AGPAT3: variants seen among roughly 807,000 people sequenced by gnomAD.
AGPAT3 encodes the protein 1-acylglycerol-3-phosphate O-acyltransferase 3.
In AGPAT3, 5 loss-of-function variants were observed where a neutral mutation model predicts 47.3. That is an observed-to-expected ratio of 0.11 (90% CI 0.06 to 0.22). The LOEUF (loss-of-function observed/expected upper bound fraction) is 0.22, where lower values mean the gene tolerates loss of function less well. Ranked by LOEUF, AGPAT3 falls within the 10% of genes least tolerant of loss-of-function variation. The pLI, the probability that AGPAT3 is intolerant of heterozygous loss-of-function variation, is 1.00. For missense variants in AGPAT3, 315 were observed against 493.0 expected, an observed-to-expected ratio of 0.64 and a Z score of 3.42; for synonymous variants, 212 against 208.3, an observed-to-expected ratio of 1.02 and a Z score of -0.15.
chr21:43,901,149 G>A (rs925801103), intron 1 of AGPAT3, among the ~76,000 whole-genome samples: 1 of 152,058 alleles, frequency 6.6e-6, no homozygotes, highest in Non-Finnish European at 1.5e-5. Flanking sequence ...AAAGATATGT[G>A]TTCTTTTGTT....
rs145271236 is a variant in AGPAT3, at chr21:43,937,961, T to C, written c.-48-21673T>C. On this transcript the variant is annotated intron_variant, in intron 2 of 9. Transcript: ENST00000291572. The stretch of plus-strand genomic sequence containing the variant: ...CCAGTCATATTTGCATATTTTGGGG[T>C]GACTGTGCAGACAGTGCTGGACCAA... Among the ~76,000 whole-genome samples, 336 of 152,144 alleles carry C rather than the reference T, an allele frequency of 2.2e-3. 1 individual carries two copies. The highest frequency in any genetic ancestry group is 7.9e-3 in the African/African-American group (326 of 41,484).
Position 43,955,899 on chromosome 21 carries a change from C to CA in AGPAT3, c.-48-3718dup, listed in dbSNP as rs58314121. ...TGGGCAACAGTGAGATAATCTGTCT[C>CA]AAAAAAAAAAAAAAAAATCAGATTC... On this transcript the variant is annotated intron_variant, in intron 2 of 9. Transcript: ENST00000291572. The surrounding 1 kb of genome is among the most constrained non-coding windows in gnomAD (Gnocchi z 4.1). Among the ~76,000 whole-genome samples the CA allele has an allele frequency of 0.2, 25,290 of 124,694 alleles. 2,332 individuals are homozygous for CA. The highest frequency in any genetic ancestry group is 0.25 in the African/African-American group (8,691 of 34,494). 81.8% of individuals were successfully genotyped at this position (124,694 alleles called of 152,430 possible). A position where few individuals can be genotyped will look rare whatever the true frequency, so the allele number is the denominator to read the frequency against.
chr21:43,954,498 T>A lies in AGPAT3; in HGVS notation c.-48-5136T>A, dbSNP rs909645794. The A allele has an allele frequency of 5.3e-5, 8 of 152,294 alleles. No homozygotes were observed. Among genetic ancestry groups the A allele is most frequent in the Non-Finnish European group, 1.0e-4 (7 of 68,084 alleles). The allele number at this position is 152,294 out of a possible 1,614,324, so 9.4% of individuals were successfully genotyped here. ...GGTGAACAGCAGATGTTTCTTGGAA[T>A]GGAGTCTGGTCCATAGTAAGTGATG... On this transcript the variant is annotated intron_variant, in intron 2 of 9. Transcript: ENST00000291572. The surrounding 1 kb of genome is among the most constrained non-coding windows in gnomAD (Gnocchi z 4.0).
intron 2 of AGPAT3, among the ~76,000 whole-genome samples, chr21:43,959,236 TGTGTGTG>T (rs1429090540): frequency 7.3e-6 from 1 of 136,846 alleles, no homozygotes; most frequent in Admixed American, 7.5e-5. Context: ...TGATGTGGTG[TGTGTGTG>T]GTGTGTGGTT....
chr21:43,983,713 G>A lies in AGPAT3; in HGVS notation c.*1321G>A, dbSNP rs1458185736. ...AGGTGGGGCCCCTGGGGCAATGGCA[G>A]TGGTAGAACGCTCAACTTGGTTGCG... On this transcript the variant is annotated 3_prime_UTR_variant, in exon 10 of 10. Coordinates refer to ENST00000291572, the MANE Select transcript of AGPAT3 (RefSeq NM_020132.5). 1 of 152,290 alleles carries A rather than the reference G, an allele frequency of 6.6e-6. No individual in the cohort carries two copies. The highest frequency in any genetic ancestry group is 1.5e-5 in the Non-Finnish European group (1 of 68,052). 9.4% of individuals were successfully genotyped at this position (152,290 alleles called of 1,614,324 possible). A position where few individuals can be genotyped will look rare whatever the true frequency, so the allele number is the denominator to read the frequency against.
In AGPAT3 at chr21:43,865,238, G is replaced by T; in HGVS notation, c.-219G>T. 6.8e-6 allele frequency: 1 copy of T among 147,332 alleles called. No individual in the cohort carries two copies. The highest frequency in any genetic ancestry group is 1.8e-4 in the South Asian group (1 of 5,574). 9.1% of individuals were successfully genotyped at this position (147,332 alleles called of 1,614,324 possible). A position where few individuals can be genotyped will look rare whatever the true frequency, so the allele number is the denominator to read the frequency against. On this transcript the variant is annotated 5_prime_UTR_variant, in exon 1 of 10. Transcript: ENST00000291572. ...CGGGCGCCGCACTCGCTGAGGCCCCGACGCAGGGCCGGGCCGGGCCCAGGG... is the reference window on the plus strand; with the variant it reads ...CGGGCGCCGCACTCGCTGAGGCCCCTACGCAGGGCCGGGCCGGGCCCAGGG...
At chr21:43,941,119 C>A (rs1290237712) in intron 2 of AGPAT3, among the ~76,000 whole-genome samples, 3 of 152,194 alleles carry the variant, frequency 2.0e-5, no homozygotes, top group Non-Finnish European at 4.4e-5. Context: ...GACCCAAAAA[C>A]CCCAAGTCTG....
intron 2 of AGPAT3, among the ~76,000 whole-genome samples, chr21:43,928,247 G>A (rs909809685): frequency 3.9e-5 from 6 of 152,334 alleles, no homozygotes; most frequent in African/African-American, 1.2e-4. Flanking sequence ...CCTCTTCTCC[G>A]GGGCCTGCAG....
intron 2 of AGPAT3, among the ~76,000 whole-genome samples, chr21:43,935,056 C>T (rs948861432): frequency 4.6e-5 from 7 of 152,276 alleles, no homozygotes; most frequent in African/African-American, 1.4e-4. Flanking sequence ...ACACCACTCA[C>T]ATGCCACACA....
chr21:43,944,763 G>A (rs927455808), intron 2 of AGPAT3, among the ~76,000 whole-genome samples: 3 of 152,252 alleles, frequency 2.0e-5, no homozygotes, highest in Non-Finnish European at 4.4e-5. Context: ...GAAGAAAAGA[G>A]GGAGCCCAGG....
At chr21:43,885,159 C>T (rs1208799470) in intron 1 of AGPAT3, among the ~76,000 whole-genome samples, 2 of 152,216 alleles carry the variant, frequency 1.3e-5, no homozygotes, top group Non-Finnish European at 2.9e-5. Flanking sequence ...GGCATCCCCA[C>T]CTCCCTCAGC....
intron 1 of AGPAT3, among the ~76,000 whole-genome samples, chr21:43,878,095 C>CACTGCTTGCTCAGCCCCCACCCGTGATG (rs2085773855): frequency 6.6e-6 from 1 of 152,182 alleles, no homozygotes; most frequent in Non-Finnish European, 1.5e-5. Flanking sequence ...CTTTCCCCGC[C>CACTGCTTGCTCAGCCCCCACCCGTGATG]ACTGCTTGCT....
intron 1 of AGPAT3, among the ~76,000 whole-genome samples, chr21:43,875,473 C>T (rs1442361510): frequency 1.3e-5 from 2 of 152,186 alleles, no homozygotes; most frequent in African/African-American, 4.8e-5. Flanking sequence ...CTTTCTCATA[C>T]CATCCTCCCA....
At chr21:43,935,908 G>A (rs1287039426) in intron 2 of AGPAT3, among the ~76,000 whole-genome samples, 4 of 152,188 alleles carry the variant, frequency 2.6e-5, no homozygotes, top group African/African-American at 4.8e-5. Flanking sequence ...CTCCAGGTGC[G>A]CTAAGCAAAC....
intron 7 of AGPAT3, among the ~76,000 whole-genome samples, chr21:43,975,250 T>C (rs959571686): frequency 1.4e-5 from 2 of 147,552 alleles, no homozygotes; most frequent in Admixed American, 6.8e-5. Context: ...TGTGTGCTGG[T>C]GTGTGGTGTG....
At chr21:43,968,225 C>G in intron 4 of AGPAT3, 110 bp downstream of exon 4, 23 of 517,950 alleles carry the variant, frequency 4.4e-5, no homozygotes, top group East Asian at 9.4e-5. Context: ...CCCTGCAGGG[C>G]TGGGGGTGGG....
Position 43,985,043 on chromosome 21 carries a change from A to G in AGPAT3, c.*2651A>G, listed in dbSNP as rs1304182697. On this transcript the variant is annotated 3_prime_UTR_variant, in exon 10 of 10. Transcript: ENST00000291572. ...TTACCCACCCAGAGCCAGGCGCCAC[A>G]CTGGAGGCTCCCAGGCGGGAGGGCC... 2.2e-6 allele frequency: 1 copy of G among 451,128 alleles called. No individual in the cohort carries two copies. The highest frequency in any genetic ancestry group is 3.5e-4 in the Middle Eastern group (1 of 2,840). The allele number at this position is 451,128 out of a possible 1,614,324, so 27.9% of individuals were successfully genotyped here.
intron 1 of AGPAT3, among the ~76,000 whole-genome samples, chr21:43,875,404 A>G (rs954253880): frequency 1.3e-5 from 2 of 152,224 alleles, no homozygotes; most frequent in Admixed American, 6.5e-5. Flanking sequence ...GGTTGAATCC[A>G]CAAATGTGGA....
intron 1 of AGPAT3, among the ~76,000 whole-genome samples, chr21:43,897,211 C>T (rs1167328620): frequency 2.0e-5 from 3 of 151,782 alleles, no homozygotes; most frequent in Admixed American, 1.3e-4. Flanking sequence ...CATCTTGCAC[C>T]GCCCTTAATC....
Sources: gnomAD v4.1 joint callset for allele counts (sites outside exome capture counted in the v4.1 genomes callset) on GRCh38, gnomAD v4.1.1 for gene constraint, Gnocchi (gnomAD v3.1) non-coding constraint, MANE v1.5 for transcripts, NCBI Gene and HGNC (gene_info 2026-07-23, HGNC 2026-07-21) for gene names.